Variants in ZNF556 observed in about 807,000 individuals in gnomAD.
ZNF556 encodes the protein zinc finger protein 556.
ZNF556 carries 11 observed loss-of-function variants against 13.6 expected under a neutral mutation model. The ratio of observed to expected loss-of-function variants is 0.81; its 90% CI spans 0.51 to 1.33. The LOEUF (loss-of-function observed/expected upper bound fraction) is 1.33. Among genes scored for constraint, ZNF556 ranks in the 40% most tolerant of loss-of-function variants. The probability of loss-of-function intolerance (pLI) is 0.00; values close to 1 mark genes in which losing one functional copy is unlikely to be tolerated. For missense variants in ZNF556, 633 were observed against 566.2 expected, an observed-to-expected ratio of 1.12 and a Z score of -1.20; for synonymous variants, 229 against 207.8, an observed-to-expected ratio of 1.10 and a Z score of -0.88.
In ZNF556 at chr19:2,883,359, C is replaced by T. The variant is rs1006754402; in HGVS notation, c.*5030C>T. ...ATGTCCATTTGATTTTCATAGGTAT[C>T]GTTTCCATATGCTTAGACTTCCAGC... On this transcript the variant is annotated 3_prime_UTR_variant, in exon 4 of 4. Transcript: ENST00000307635. The T allele has an allele frequency of 1.3e-5, 2 of 152,086 alleles. No individual in the cohort carries two copies. Among genetic ancestry groups the T allele is most frequent in the East Asian group, 1.9e-4 (1 of 5,188 alleles). 9.4% of individuals were successfully genotyped at this position (152,086 alleles called of 1,614,324 possible).
intron 1 of ZNF556, among the ~76,000 whole-genome samples, chr19:2,873,136 A>AAC (rs1181555501): frequency 6.6e-6 from 1 of 151,732 alleles, no homozygotes; most frequent in Non-Finnish European, 1.5e-5. Flanking sequence ...TCCGTCTCAA[A>AAC]AAAAAAAAAA....
intron 2 of ZNF556, 23 bp downstream of exon 2, chr19:2,873,645 A>G (rs918804504): frequency 2.5e-6 from 4 of 1,605,618 alleles, no homozygotes; most frequent in Non-Finnish European, 3.4e-6. Context: ...TTATTTCTGC[A>G]CTTAGTTATT....
rs1156741412 is a variant in ZNF556 at position 2,879,362 on chromosome 19, T to A, written c.*1033T>A. 6.6e-6 allele frequency: 1 copy of A among 152,154 alleles called. No individual in the cohort carries two copies. The highest frequency in any genetic ancestry group is 2.4e-5 in the African/African-American group (1 of 41,434). The allele number at this position is 152,154 out of a possible 1,614,324, so 9.4% of individuals were successfully genotyped here. A position where few individuals can be genotyped will look rare whatever the true frequency, so the allele number is the denominator to read the frequency against. ...TTTTTTTGGGTTTTTTTTCTTTTTC[T>A]TTTTTGAGACAGAGTCCTGTTATGT... On this transcript the variant is annotated 3_prime_UTR_variant, in exon 4 of 4. Coordinates refer to ENST00000307635, the MANE Select transcript of ZNF556 (RefSeq NM_024967.3).
In ZNF556 at chr19:2,871,138, T is replaced by C. The variant is rs1381579853; in HGVS notation, c.4-2358T>C. Among the ~76,000 whole-genome samples the C allele has an allele frequency of 2.0e-5, 3 of 151,294 alleles. No individual in the cohort carries two copies. In the East Asian group the frequency reaches 5.8e-4, roughly 29 times the overall value. On this transcript the variant is annotated intron_variant, in intron 1 of 3. Transcript: ENST00000307635. ...GAGATCACGCCACTGCACTCCAGCCTGGGCGACAGAGTGAGATGCCGTCTC... is the reference window on the plus strand; with the variant it reads ...GAGATCACGCCACTGCACTCCAGCCCGGGCGACAGAGTGAGATGCCGTCTC...
At position 2,867,357 on chromosome 19, in the gene ZNF556, C is replaced by T. The variant is rs375609055; in HGVS notation, c.-65C>T. On this transcript the variant is annotated 5_prime_UTR_variant, in exon 1 of 4. Coordinates refer to ENST00000307635, the MANE Select transcript of ZNF556 (RefSeq NM_024967.3). ...CCTGAGTGACCACAGGTGTCCCCGT[C>T]GTGCTCACCTGCACCGGCTGCGAGG... 2.5e-5 allele frequency: 39 copies of T among 1,559,268 alleles called. No individual in the cohort carries two copies. In the South Asian group the frequency reaches 3.7e-4, roughly 15 times the overall value.
intron 1 of ZNF556, among the ~76,000 whole-genome samples, chr19:2,872,756 T>A: frequency 6.8e-6 from 1 of 147,580 alleles, no homozygotes; most frequent in East Asian, 2.0e-4. Flanking sequence ...GAGGTGGAGG[T>A]TGCAATGAGC....
intron 1 of ZNF556, among the ~76,000 whole-genome samples, chr19:2,867,713 AAAAAACAAAAC>A (rs1387742412): frequency 7.1e-5 from 4 of 56,124 alleles, no homozygotes; most frequent in Non-Finnish European, 1.2e-4. Context: ...CCCAAAGTAC[AAAAAACAAAAC>A]AAAAAAAAAA....
chr19:2,872,337 C>T (rs183383745), intron 1 of ZNF556, among the ~76,000 whole-genome samples: 30 of 151,486 alleles, frequency 2.0e-4, no homozygotes, highest in East Asian at 1.2e-3. Flanking sequence ...AGGCGTCTTC[C>T]CAGACGCTGG....
chr19:2,876,530 A>T (rs916467728), intron 3 of ZNF556, among the ~76,000 whole-genome samples: 1 of 152,018 alleles, frequency 6.6e-6, no homozygotes, highest in Non-Finnish European at 1.5e-5. Flanking sequence ...GACCAGCCTG[A>T]CCGACATGGT....
In ZNF556 at chr19:2,882,531, A is replaced by ATTGTGTGTGT. The variant is rs57053138; in HGVS notation, c.*4202_*4203insTTGTGTGTGT. 1.6e-5 allele frequency: 2 copies of ATTGTGTGTGT among 127,722 alleles called. No homozygotes were observed. Among genetic ancestry groups the ATTGTGTGTGT allele is most frequent in the Non-Finnish European group, 3.2e-5 (2 of 62,732 alleles). 7.9% of individuals were successfully genotyped at this position (127,722 alleles called of 1,614,324 possible). ...ATACATTTTATATATATATATATAT[A>ATTGTGTGTGT]GTGTGTGTGTGTGTGTGTGTGTGTG... On this transcript the variant is annotated 3_prime_UTR_variant, in exon 4 of 4. Transcript: ENST00000307635.
chr19:2,877,689 A>G lies in ZNF556; in HGVS notation c.731A>G (p.Lys244Arg), dbSNP rs759959530. Residue 244 changes from lysine to arginine, a missense_variant, in exon 4 of 4, where the codon AAA becomes AGA. Transcript: ENST00000307635. ...TGTGGGAAAGGCTTCAGTTGTCCCA[A>G]ATCCTTTCGCGCACATGTGATGATG... ...GQCGKGFSCP[K>R]SFRAHVMMHA... 4 of 1,613,746 alleles carry G rather than the reference A, an allele frequency of 2.5e-6. No homozygotes were observed. The highest frequency in any genetic ancestry group is 2.2e-5 in the East Asian group (1 of 44,864).
chr19:2,867,449 C>G, intron 1 of ZNF556, 25 bp downstream of exon 1: 5 of 1,579,750 alleles, frequency 3.2e-6, no homozygotes, highest in South Asian at 1.2e-5. Context: ...GGAGCCGAGC[C>G]GGAGCCGGAG....
At chr19:2,867,567 G>A in intron 1 of ZNF556, 143 bp downstream of exon 1, 1 of 1,196,128 alleles carries the variant, frequency 8.4e-7, no homozygotes. Flanking sequence ...GGGTCCTGCG[G>A]GGAGTTTCCT....
At chr19:2,871,488 T>C (rs1313060099) in intron 1 of ZNF556, among the ~76,000 whole-genome samples, 1 of 152,094 alleles carries the variant, frequency 6.6e-6, no homozygotes, top group Admixed American at 6.6e-5. Flanking sequence ...GTCCAAATGG[T>C]GACTGTATTT....
At position 2,881,750 on chromosome 19, in the gene ZNF556, TC is replaced by T. The variant is rs2087906186; in HGVS notation, c.*3422del. The T allele has an allele frequency of 6.6e-6, 1 of 151,806 alleles. No homozygotes were observed. The highest frequency in any genetic ancestry group is 1.5e-5 in the Non-Finnish European group (1 of 68,018). 9.4% of individuals were successfully genotyped at this position (151,806 alleles called of 1,614,324 possible). A position where few individuals can be genotyped will look rare whatever the true frequency, so the allele number is the denominator to read the frequency against. ...CATGTAATATGTCTTAAATACTATT[TC>T]TTTTTTTTTAATACTATTTCAAGAA... On this transcript the variant is annotated 3_prime_UTR_variant, in exon 4 of 4. Transcript: ENST00000307635.
In ZNF556 at chr19:2,878,097, G is replaced by A. The variant is rs2087875340; in HGVS notation, c.1139G>A (p.Gly380Asp). ...YKCETCGKTY[G>D]WSSSLHKHER... ...TGTGAAACGTGTGGGAAAACGTATGGTTGGTCCTCATCTTTACACAAACAT... is the reference window on the plus strand; with the variant it reads ...TGTGAAACGTGTGGGAAAACGTATGATTGGTCCTCATCTTTACACAAACAT... Residue 380 changes from glycine to aspartate, a missense_variant, in exon 4 of 4, where the codon GGT becomes GAT. Coordinates refer to ENST00000307635, the MANE Select transcript of ZNF556 (RefSeq NM_024967.3). 1 of 1,614,078 alleles carries A rather than the reference G, an allele frequency of 6.2e-7. No individual in the cohort carries two copies. Among genetic ancestry groups the A allele is most frequent in the Admixed American group, 1.7e-5 (1 of 59,992 alleles).
At chr19:2,871,904 T>C (rs1179625214) in intron 1 of ZNF556, among the ~76,000 whole-genome samples, 3 of 151,966 alleles carry the variant, frequency 2.0e-5, no homozygotes, top group Non-Finnish European at 2.9e-5. Context: ...CAATGATAGG[T>C]AAGGATGCAT....
At chr19:2,875,396 T>C (rs369762585) in intron 2 of ZNF556, 7 of 151,932 alleles carry the variant, frequency 4.6e-5, no homozygotes, top group South Asian at 4.2e-4. Flanking sequence ...GGTTTCACCA[T>C]GTTAGCCAGG....
Position 2,877,631 on chromosome 19 carries a change from C to A in ZNF556, c.673C>A (p.His225Asn). ...CTCTCTCACTGAACATGTAAGGACT[C>A]ACACTGGAGAGAAACCCTACGAATG... is the stretch of plus-strand genomic sequence containing the variant. ...SHSLTEHVRT[H>N]TGEKPYECGQ... Residue 225 changes from histidine (H) to asparagine (N), a missense_variant, in exon 4 of 4, where the codon CAC becomes AAC. By Grantham distance (68) the His-to-Asn change is moderately conservative. Transcript: ENST00000307635. The A allele has an allele frequency of 6.2e-7, 1 of 1,614,216 alleles. No homozygotes were observed. The highest frequency in any genetic ancestry group is 8.5e-7 in the Non-Finnish European group (1 of 1,180,040).
Sources: allele counts gnomAD v4.1 joint callset (sites outside exome capture counted in the v4.1 genomes callset), GRCh38; gene constraint gnomAD v4.1.1; transcripts MANE v1.5; gene names NCBI Gene and HGNC (gene_info 2026-07-23, HGNC 2026-07-21).